The following BLTP3B variants were observed in gnomAD, a reference collection of about 807,000 sequenced individuals.
BLTP3B encodes the protein UHRF1 (ICBP90) binding protein 1-like.
chr12:100,074,396 C>T, the BLTP3B span, among the ~76,000 whole-genome samples: 1,575 of 152,128 alleles, frequency 0.01, 28 homozygotes, highest in African/African-American at 0.036. Context: ...GCCAGGAGCT[C>T]GAGACCAGCG....
chr12:100,068,590 A>G, the BLTP3B span, among the ~76,000 whole-genome samples: 2 of 152,236 alleles, frequency 1.3e-5, no homozygotes, highest in South Asian at 2.1e-4. Flanking sequence ...CACAATCTAT[A>G]TACATCTGAC....
the BLTP3B span, among the ~76,000 whole-genome samples, chr12:100,120,417 T>G: frequency 6.6e-6 from 1 of 151,680 alleles, no homozygotes; most frequent in Non-Finnish European, 1.5e-5. Context: ...GGCAAAAGAT[T>G]TAAAGGGACC....
At chr12:100,047,741 G>A in the BLTP3B span, 49 of 1,074,698 alleles carry the variant, frequency 4.6e-5, no homozygotes, top group African/African-American at 5.3e-4. Context: ...CTGATATAGC[G>A]AGAAAACTGC....
At chr12:100,101,042 A>G in the BLTP3B span, among the ~76,000 whole-genome samples, 1 of 152,224 alleles carries the variant, frequency 6.6e-6, no homozygotes, top group Non-Finnish European at 1.5e-5. Context: ...TATACTAAGC[A>G]CACAAGGACA....
the BLTP3B span, among the ~76,000 whole-genome samples, chr12:100,131,804 G>C: frequency 3.3e-5 from 5 of 151,864 alleles, 1 homozygote; most frequent in Non-Finnish European, 7.4e-5. Flanking sequence ...GTTTTGTTTT[G>C]TTTTTGAGGT....
At chr12:100,052,290 G>T in the BLTP3B span, among the ~76,000 whole-genome samples, 4 of 151,952 alleles carry the variant, frequency 2.6e-5, no homozygotes, top group African/African-American at 9.7e-5. Flanking sequence ...TGATCTGCCT[G>T]CCTTGGCCTC....
At chr12:100,115,494 C>A in the BLTP3B span, among the ~76,000 whole-genome samples, 5 of 152,182 alleles carry the variant, frequency 3.3e-5, no homozygotes, top group African/African-American at 4.8e-5. Context: ...ATAGGCCGGG[C>A]GTCGTGGCTC....
At chr12:100,118,820 C>T in the BLTP3B span, among the ~76,000 whole-genome samples, 7 of 152,124 alleles carry the variant, frequency 4.6e-5, no homozygotes, top group African/African-American at 1.7e-4. Context: ...ATAAAGAAAT[C>T]AGCTGGGTGT....
the BLTP3B span, among the ~76,000 whole-genome samples, chr12:100,090,415 CAT>C: frequency 1.3e-5 from 2 of 152,002 alleles, no homozygotes; most frequent in African/African-American, 4.8e-5. Context: ...GATTATCTGA[CAT>C]ATGAGCCACA....
the BLTP3B span, among the ~76,000 whole-genome samples, chr12:100,112,664 A>ACAAAC: frequency 1.3e-5 from 2 of 152,030 alleles, no homozygotes; most frequent in African/African-American, 4.8e-5. Flanking sequence ...TAAGGGCAAA[A>ACAAAC]CAAAACAAAA....
the BLTP3B span, among the ~76,000 whole-genome samples, chr12:100,046,245 T>C: frequency 6.6e-6 from 1 of 152,194 alleles, no homozygotes; most frequent in Non-Finnish European, 1.5e-5. Flanking sequence ...CAAAGGATTA[T>C]AAATCATGCT....
chr12:100,039,623 C>A, the BLTP3B span: 3 of 1,613,486 alleles, frequency 1.9e-6, no homozygotes, highest in East Asian at 6.7e-5. Context: ...CAAAGGAGAA[C>A]TCAGGAAAGT....
the BLTP3B span, chr12:100,059,360 T>C: frequency 3.1e-6 from 5 of 1,613,912 alleles, no homozygotes; most frequent in African/African-American, 4.0e-5. Context: ...AGCTGGTATA[T>C]GTTTTACTAA....
At chr12:100,125,535 C>T in the BLTP3B span, among the ~76,000 whole-genome samples, 4 of 151,992 alleles carry the variant, frequency 2.6e-5, no homozygotes, top group East Asian at 7.7e-4. Flanking sequence ...GTGGTCTCAA[C>T]TACTTGGGAG....
the BLTP3B span, among the ~76,000 whole-genome samples, chr12:100,104,708 T>G: frequency 1.3e-5 from 2 of 151,818 alleles, no homozygotes; most frequent in African/African-American, 4.8e-5. Flanking sequence ...ATATACCCTG[T>G]ACTAAAAATG....
the BLTP3B span, among the ~76,000 whole-genome samples, chr12:100,092,422 T>A: frequency 7.2e-5 from 11 of 152,150 alleles, no homozygotes; most frequent in Non-Finnish European, 1.3e-4. Context: ...ACTAAAGACA[T>A]GGAAGAAACT....
chr12:100,115,001 C>A, the BLTP3B span, among the ~76,000 whole-genome samples: 2 of 152,026 alleles, frequency 1.3e-5, no homozygotes, highest in African/African-American at 4.8e-5. Flanking sequence ...TTTACATAAC[C>A]TAAGGCAAGA....
the BLTP3B span, among the ~76,000 whole-genome samples, chr12:100,102,122 T>A: frequency 2.0e-5 from 3 of 148,932 alleles, no homozygotes; most frequent in Non-Finnish European, 4.5e-5. Flanking sequence ...TTTTTTTTTT[T>A]TTTTTGAGAC....
the BLTP3B span, among the ~76,000 whole-genome samples, chr12:100,107,289 CAAAAAAA>C: frequency 5.4e-4 from 19 of 35,346 alleles, no homozygotes; most frequent in African/African-American, 6.5e-4. Flanking sequence ...CTCCATCTCC[CAAAAAAA>C]AAAAAAAAAA....
Sources: gnomAD v4.1 joint callset for allele counts (sites outside exome capture counted in the v4.1 genomes callset) on GRCh38, gnomAD v4.1.1 for gene constraint, MANE v1.5 for transcripts, NCBI Gene and HGNC (gene_info 2026-07-23, HGNC 2026-07-21) for gene names.